DPP10: variants seen among roughly 807,000 people sequenced by gnomAD.
DPP10 encodes dipeptidyl peptidase like 10.
In DPP10, 33 loss-of-function variants were observed where a neutral mutation model predicts 120.9. That is an observed-to-expected ratio of 0.27 (90% CI 0.21 to 0.37). DPP10 has a LOEUF of 0.37. Ranked by LOEUF, DPP10 falls within the 10% of genes least tolerant of loss-of-function variation. DPP10 has a pLI of 1.00. For missense variants in DPP10, 816 were observed against 942.8 expected (o/e 0.87, Z 1.76); for synonymous variants, 337 against 326.1 (o/e 1.03, Z -0.36).
chr2:115,571,512 T>A (rs1290863409), intron 5 of DPP10, among the ~76,000 whole-genome samples: 1 of 152,190 alleles, frequency 6.6e-6, no homozygotes, highest in Non-Finnish European at 1.5e-5. Context: ...GTTAATTCAC[T>A]TAGGGTAATT....
chr2:115,328,963 T>A (rs2062536547), intron 2 of DPP10, among the ~76,000 whole-genome samples: 2 of 152,082 alleles, frequency 1.3e-5, no homozygotes, highest in Admixed American at 1.3e-4. Context: ...GCCCATCCCC[T>A]TTTGAGAACA....
At chr2:115,489,109 CTTTTTA>C (rs2075948794) in intron 3 of DPP10, among the ~76,000 whole-genome samples, 1 of 152,018 alleles carries the variant, frequency 6.6e-6, no homozygotes, top group African/African-American at 2.4e-5. Context: ...TTCCAGCAAA[CTTTTTA>C]TTTAAAGAAC....
chr2:114,994,186 A>G (rs1700933437), intron 1 of DPP10, among the ~76,000 whole-genome samples: 2 of 152,152 alleles, frequency 1.3e-5, no homozygotes, highest in Admixed American at 6.5e-5. Flanking sequence ...TGATTAGCAT[A>G]TATGTATAAA....
chr2:114,889,470 A>G (rs1040122426), intron 1 of DPP10, among the ~76,000 whole-genome samples: 25 of 144,532 alleles, frequency 1.7e-4, no homozygotes, highest in African/African-American at 5.6e-4. Context: ...CTATTACATG[A>G]ACCTAGCAAA....
chr2:114,981,432 A>G (rs763084207), intron 1 of DPP10, among the ~76,000 whole-genome samples: 6 of 152,240 alleles, frequency 3.9e-5, no homozygotes, highest in Non-Finnish European at 7.3e-5. Flanking sequence ...TTTTTTACAT[A>G]AAAGATATAC....
At chr2:114,971,346 G>T (rs895299038) in intron 1 of DPP10, among the ~76,000 whole-genome samples, 1 of 152,102 alleles carries the variant, frequency 6.6e-6, no homozygotes, top group East Asian at 1.9e-4. Flanking sequence ...AGGTAAACTG[G>T]ATTATAATTA....
rs149855555 is a variant in DPP10, at chr2:114,895,253, G to A, written c.61-413986G>A. ...GTGGATACAAAAGTATTAAATATTT[G>A]CAAAATTCACAATCTATGAAGAATT... On this transcript the variant is annotated intron_variant, in intron 1 of 25. Transcript: ENST00000410059. Among the ~76,000 whole-genome samples the A allele has an allele frequency of 7.7e-3, 1,166 of 152,294 alleles. 7 individuals are homozygous for A. The highest frequency in any genetic ancestry group is 0.027 in the African/African-American group (1,108 of 41,554).
At chr2:114,899,400 A>G (rs1202491237) in intron 1 of DPP10, among the ~76,000 whole-genome samples, 1 of 152,130 alleles carries the variant, frequency 6.6e-6, no homozygotes, top group Non-Finnish European at 1.5e-5. Context: ...ATCACATATA[A>G]CTAGAAATTT....
chr2:115,139,724 T>TAAAAAAAAAAAAAAC (rs2050822505), intron 1 of DPP10, among the ~76,000 whole-genome samples: 1 of 56,620 alleles, frequency 1.8e-5, no homozygotes, highest in Non-Finnish European at 3.1e-5. Flanking sequence ...GTAAAAATAC[T>TAAAAAAAAAAAAAAC]AAAAAAAAAA....
chr2:114,772,094 A>T (rs555040011), intron 1 of DPP10, among the ~76,000 whole-genome samples: 67 of 151,846 alleles, frequency 4.4e-4, no homozygotes, highest in African/African-American at 1.6e-3. Context: ...GATACATAAA[A>T]TTATTTTTTC....
intron 1 of DPP10, among the ~76,000 whole-genome samples, chr2:114,734,581 T>G (rs1019617272): frequency 6.6e-6 from 1 of 152,202 alleles, no homozygotes; most frequent in African/African-American, 2.4e-5. Context: ...TCTGACCACC[T>G]TGGACACATG....
chr2:114,709,315 CCTCT>C (rs1374505907), intron 1 of DPP10, among the ~76,000 whole-genome samples: 1 of 152,042 alleles, frequency 6.6e-6, no homozygotes, highest in Non-Finnish European at 1.5e-5. Flanking sequence ...TGGCCTCTTT[CCTCT>C]CTCTCTCCAG....
chr2:114,562,599 A>G (rs1398412445), intron 1 of DPP10, among the ~76,000 whole-genome samples: 11 of 152,218 alleles, frequency 7.2e-5, no homozygotes, highest in Non-Finnish European at 1.5e-4. Flanking sequence ...TACAGCCTGT[A>G]AAGTACACTG....
intron 1 of DPP10, among the ~76,000 whole-genome samples, chr2:114,836,132 A>G (rs1687715133): frequency 6.6e-6 from 1 of 152,050 alleles, no homozygotes; most frequent in Non-Finnish European, 1.5e-5. Context: ...GCCACCTAAA[A>G]TACCCCTTTC....
intron 1 of DPP10, among the ~76,000 whole-genome samples, chr2:114,703,548 G>A (rs1164780032): frequency 4.6e-5 from 7 of 152,128 alleles, no homozygotes. Context: ...AGTTTATTCA[G>A]AAAATTGTTA....
At chr2:115,742,400 T>A (rs1355866528) in intron 9 of DPP10, among the ~76,000 whole-genome samples, 1 of 152,148 alleles carries the variant, frequency 6.6e-6, no homozygotes, top group African/African-American at 2.4e-5. Flanking sequence ...CTCAAACCTG[T>A]CATTTTATAT....
chr2:115,456,766 C>T (rs1317051111), intron 3 of DPP10, among the ~76,000 whole-genome samples: 1 of 151,932 alleles, frequency 6.6e-6, no homozygotes, highest in Non-Finnish European at 1.5e-5. Context: ...ACAATGAGAA[C>T]ACATGGTGAA....
intron 1 of DPP10, among the ~76,000 whole-genome samples, chr2:114,873,691 C>T (rs1290373540): frequency 1.7e-5 from 2 of 121,144 alleles, no homozygotes; most frequent in African/African-American, 3.1e-5. Flanking sequence ...GTCAGCAGAA[C>T]TTAACAACAT....
chr2:114,469,128 T>C (rs563208763), intron 1 of DPP10, among the ~76,000 whole-genome samples: 1 of 107,206 alleles, frequency 9.3e-6, no homozygotes, highest in Non-Finnish European at 2.4e-5. Flanking sequence ...CTGATTTCAC[T>C]TGAGAGAGAC....
Sources: allele counts gnomAD v4.1 joint callset (sites outside exome capture counted in the v4.1 genomes callset), GRCh38; gene constraint gnomAD v4.1.1; transcripts MANE v1.5; gene names NCBI Gene and HGNC (gene_info 2026-07-23, HGNC 2026-07-21).